Variants in FGGY observed in about 807,000 individuals in gnomAD.
The protein encoded by FGGY is FGGY carbohydrate kinase domain-containing protein.
Under a neutral mutation model 71.3 loss-of-function variants are expected in FGGY, and 72 were observed. That is an observed-to-expected ratio of 1.01 (90% CI 0.84 to 1.23). The LOEUF (loss-of-function observed/expected upper bound fraction) is 1.23. Among genes scored for constraint, FGGY ranks in the 50% most tolerant of loss-of-function variants. FGGY has a pLI of 0.00. For missense variants in FGGY, 668 were observed against 682.3 expected, an observed-to-expected ratio of 0.98 and a Z score of 0.23; for synonymous variants, 251 against 250.3, an observed-to-expected ratio of 1.00 and a Z score of -0.02.
chr1:59,632,173 C>T (rs1326475124), intron 10 of FGGY, among the ~76,000 whole-genome samples: 1 of 152,106 alleles, frequency 6.6e-6, no homozygotes, highest in Admixed American at 6.5e-5. Flanking sequence ...CACACACATA[C>T]ATATATAAAC....
chr1:59,722,860 G>A (rs1428857395), intron 14 of FGGY, among the ~76,000 whole-genome samples: 2 of 152,076 alleles, frequency 1.3e-5, no homozygotes, highest in East Asian at 1.9e-4. Flanking sequence ...GCAGTGGCAC[G>A]ATCTTGGCTC....
intron 14 of FGGY, among the ~76,000 whole-genome samples, chr1:59,678,231 G>A (rs2097456072): frequency 6.6e-6 from 1 of 152,170 alleles, no homozygotes; most frequent in Non-Finnish European, 1.5e-5. Flanking sequence ...CACAAAGAAG[G>A]CAGTTCACTT....
intron 11 of FGGY, among the ~76,000 whole-genome samples, chr1:59,652,340 C>T (rs1346607992): frequency 6.7e-6 from 1 of 150,176 alleles, no homozygotes; most frequent in Non-Finnish European, 1.5e-5. Flanking sequence ...TAATATCCTG[C>T]AGAGTGTTTT....
chr1:59,494,175 C>G (rs149318500), intron 6 of FGGY, among the ~76,000 whole-genome samples: 61 of 152,228 alleles, frequency 4.0e-4, no homozygotes, highest in African/African-American at 1.4e-3. Flanking sequence ...CATCACATTA[C>G]CATGTGAGAT....
chr1:59,422,429 C>G (rs759665064), intron 5 of FGGY, among the ~76,000 whole-genome samples: 1 of 152,170 alleles, frequency 6.6e-6, no homozygotes, highest in Non-Finnish European at 1.5e-5. Context: ...CGTGGTGATT[C>G]ACGCCAGTAG....
At chr1:59,370,874 C>T (rs1156730849) in intron 4 of FGGY, among the ~76,000 whole-genome samples, 5 of 152,064 alleles carry the variant, frequency 3.3e-5, no homozygotes, top group Middle Eastern at 3.4e-3. Flanking sequence ...TTTGTCACCA[C>T]CAGGTCGGAC....
rs185001865 is a variant in FGGY at position 59,527,855 on chromosome 1, T to C, written c.799+15416T>C. Among the ~76,000 whole-genome samples the C allele has an allele frequency of 8.1e-4, 124 of 152,336 alleles. 1 individual carries two copies. The highest frequency in any genetic ancestry group is 6.5e-3 in the Admixed American group (100 of 15,298). On this transcript the variant is annotated intron_variant, in intron 7 of 15. Coordinates refer to ENST00000303721, the MANE Select transcript of FGGY (RefSeq NM_018291.5). The stretch of plus-strand genomic sequence containing the variant: ...TAATATAGATAACCAAATAAAAAGA[T>C]TATTTCAATTTAAACTTAGAATGAC...
At chr1:59,708,859 T>C (rs992897889) in intron 14 of FGGY, among the ~76,000 whole-genome samples, 3 of 152,326 alleles carry the variant, frequency 2.0e-5, no homozygotes, top group East Asian at 1.9e-4. Context: ...GAAATGCTCA[T>C]TGGAGCATTT....
At position 59,448,438 on chromosome 1, in the gene FGGY, C is replaced by G. The variant is rs535847587; in HGVS notation, c.555-8523C>G. Among the ~76,000 whole-genome samples the G allele has an allele frequency of 5.3e-4, 80 of 152,204 alleles. 1 individual carries two copies. Among genetic ancestry groups the G allele is most frequent in the South Asian group, 1.5e-3 (7 of 4,814 alleles). On this transcript the variant is annotated intron_variant, in intron 5 of 15. Transcript: ENST00000303721. ...ACCAGGAGAGCATTGTTGGAAGGCTCTCCTGGTTCCATTGAGGTTAATGGT... is the reference window on the plus strand; with the variant it reads ...ACCAGGAGAGCATTGTTGGAAGGCTGTCCTGGTTCCATTGAGGTTAATGGT...
In FGGY at chr1:59,516,473, G is replaced by A. The variant is rs563652901; in HGVS notation, c.799+4034G>A. On this transcript the variant is annotated intron_variant, in intron 7 of 15. Coordinates refer to ENST00000303721, the MANE Select transcript of FGGY (RefSeq NM_018291.5). ...ACAGCTAATCCCTGAGACATATTGT[G>A]ATGCTATGACAAGGGCACTCAAAAT... 2.0e-5 allele frequency among the ~76,000 whole-genome samples: 3 copies of A among 152,276 alleles called. No individual in the cohort carries two copies. In the South Asian group the frequency reaches 6.2e-4, roughly 32 times the overall value.
intron 4 of FGGY, among the ~76,000 whole-genome samples, chr1:59,364,736 G>C (rs142403082): frequency 1.5e-3 from 229 of 152,352 alleles, no homozygotes; most frequent in African/African-American, 5.4e-3. Context: ...ATCTGACTCA[G>C]CATAGGGATG....
intron 13 of FGGY, among the ~76,000 whole-genome samples, chr1:59,669,342 G>A (rs1195375898): frequency 1.3e-5 from 2 of 152,002 alleles, no homozygotes; most frequent in Non-Finnish European, 2.9e-5. Context: ...TGATGATGAC[G>A]CCACTTTCCT....
At chr1:59,376,933 C>G (rs2058729831) in intron 4 of FGGY, among the ~76,000 whole-genome samples, 1 of 152,152 alleles carries the variant, frequency 6.6e-6, no homozygotes, top group African/African-American at 2.4e-5. Flanking sequence ...CCACTTCATG[C>G]TTTTCAAGTT....
At chr1:59,323,782 G>A (rs2046832988) in intron 2 of FGGY, among the ~76,000 whole-genome samples, 1 of 152,220 alleles carries the variant, frequency 6.6e-6, no homozygotes, top group East Asian at 1.9e-4. Context: ...AATGCACATA[G>A]GATGTCATAA....
At chr1:59,301,981 C>G (rs1000496946) in intron 1 of FGGY, among the ~76,000 whole-genome samples, 2 of 151,484 alleles carry the variant, frequency 1.3e-5, no homozygotes, top group African/African-American at 4.8e-5. Context: ...AGGTGATCTG[C>G]CCTCCTTGGC....
intron 11 of FGGY, among the ~76,000 whole-genome samples, chr1:59,638,839 T>C (rs1164503890): frequency 1.3e-5 from 2 of 152,234 alleles, no homozygotes; most frequent in Non-Finnish European, 2.9e-5. Flanking sequence ...TAAACTTTGG[T>C]ATAAGTAAAT....
At chr1:59,673,351 C>G (rs2097399911) in intron 13 of FGGY, among the ~76,000 whole-genome samples, 1 of 151,956 alleles carries the variant, frequency 6.6e-6, no homozygotes, top group Admixed American at 6.5e-5. Context: ...AGGAAGTGTT[C>G]CAGACAGGGA....
Position 59,407,976 on chromosome 1 carries a change from TCTTTA to T in FGGY, c.554+29144_554+29148del, listed in dbSNP as rs151256496. 8.6e-3 allele frequency among the ~76,000 whole-genome samples: 1,310 copies of T among 152,362 alleles called. 6 individuals are homozygous for T. Among genetic ancestry groups the T allele is most frequent in the South Asian group, 0.028 (134 of 4,828 alleles). ...AAAGTGGAAATCACAGGAAAGGTACTCTTTACTTTGCTGTGGTATTTTGTTTTCCC... is the reference window on the plus strand; with the variant it reads ...AAAGTGGAAATCACAGGAAAGGTACTCTTTGCTGTGGTATTTTGTTTTCCC... On this transcript the variant is annotated intron_variant, in intron 5 of 15. Coordinates refer to ENST00000303721, the MANE Select transcript of FGGY (RefSeq NM_018291.5).
intron 8 of FGGY, among the ~76,000 whole-genome samples, chr1:59,569,973 G>C (rs964833693): frequency 6.6e-6 from 1 of 152,100 alleles, no homozygotes; most frequent in African/African-American, 2.4e-5. Context: ...TCCTGCGGCT[G>C]GTGAATGTCT....
Sources: allele counts gnomAD v4.1 joint callset (sites outside exome capture counted in the v4.1 genomes callset), GRCh38; gene constraint gnomAD v4.1.1; transcripts MANE v1.5; gene names NCBI Gene and HGNC (gene_info 2026-07-23, HGNC 2026-07-21).